RAB30: variants seen among roughly 807,000 people sequenced by gnomAD.
RAB30 encodes the protein ras-related protein Rab-30.
Under a neutral mutation model 25.1 loss-of-function variants are expected in RAB30, and 9 were observed. That is an observed-to-expected ratio of 0.36 (90% CI 0.22 to 0.63). The LOEUF is 0.63. RAB30 is among the 20% of genes least tolerant of loss of function. The probability of loss-of-function intolerance (pLI) is 0.69; values close to 1 mark genes in which losing one functional copy is unlikely to be tolerated. For missense variants in RAB30, 140 were observed against 243.5 expected, an observed-to-expected ratio of 0.58 and a Z score of 2.83; for synonymous variants, 77 against 86.4, an observed-to-expected ratio of 0.89 and a Z score of 0.60.
intron 3 of RAB30, among the ~76,000 whole-genome samples, chr11:82,991,242 T>G (rs1856844261): frequency 6.6e-6 from 1 of 152,170 alleles, no homozygotes; most frequent in Non-Finnish European, 1.5e-5. Context: ...TGGTATCTCA[T>G]GCCTGTAATC....
At chr11:83,058,618 T>C (rs894534772) in intron 1 of RAB30, among the ~76,000 whole-genome samples, 3 of 152,268 alleles carry the variant, frequency 2.0e-5, no homozygotes, top group African/African-American at 7.2e-5. Context: ...AGATGTTGAT[T>C]TGTCCCATCA....
intron 1 of RAB30, among the ~76,000 whole-genome samples, chr11:83,026,754 G>A (rs1315818887): frequency 6.6e-6 from 1 of 152,104 alleles, no homozygotes; most frequent in Non-Finnish European, 1.5e-5. Flanking sequence ...CTGAACTACT[G>A]CATCTAATTT....
At position 83,047,068 on chromosome 11, in the gene RAB30, A is replaced by G. The variant is rs1446030548; in HGVS notation, c.-9+24623T>C. Among the ~76,000 whole-genome samples the G allele has an allele frequency of 2.0e-5, 3 of 152,340 alleles. No homozygotes were observed. The East Asian group carries it at 5.8e-4, about 29-fold the overall frequency. On this transcript the variant is annotated intron_variant, in intron 1 of 4. Transcript: ENST00000527633. ...AAGGCACAACAGGAACTCAACTACAATTTGCTAACTGCATAAATGAATTCT... is the reference window on the plus strand; with the variant it reads ...AAGGCACAACAGGAACTCAACTACAGTTTGCTAACTGCATAAATGAATTCT...
chr11:82,996,183 T>G (rs952198956), intron 2 of RAB30, among the ~76,000 whole-genome samples: 2 of 152,236 alleles, frequency 1.3e-5, no homozygotes, highest in Middle Eastern at 3.2e-3. Context: ...ATTTCCAAAG[T>G]GACTCTGGGC....
intron 1 of RAB30, among the ~76,000 whole-genome samples, chr11:83,002,217 C>G (rs1857102002): frequency 6.6e-6 from 1 of 151,152 alleles, no homozygotes; most frequent in Non-Finnish European, 1.5e-5. Context: ...CTACAGTGTT[C>G]TAGAATCTCC....
At chr11:83,037,816 GT>G (rs956978645) in intron 1 of RAB30, among the ~76,000 whole-genome samples, 1 of 152,202 alleles carries the variant, frequency 6.6e-6, no homozygotes, top group African/African-American at 2.4e-5. Flanking sequence ...AAGATAAAGT[GT>G]TTGGGGGTTA....
chr11:82,981,599 G>A lies in RAB30; in HGVS notation c.*566C>T, dbSNP rs1046838402. ...AACAATGATTGTTACTGTTGGTCAT[G>A]GGTAAAGGTTTCATTTCATTTTTAC... On this transcript the variant is annotated 3_prime_UTR_variant, in exon 5 of 5. Transcript: ENST00000527633. 6.5e-6 allele frequency: 1 copy of A among 153,176 alleles called. No homozygotes were observed. The allele number at this position is 153,176 out of a possible 1,614,324, so 9.5% of individuals were successfully genotyped here.
At position 82,980,187 on chromosome 11, in the gene RAB30, G is replaced by A. The variant is rs1033075606; in HGVS notation, c.*1978C>T. The A allele has an allele frequency of 2.6e-5, 4 of 152,188 alleles. No homozygotes were observed. The highest frequency in any genetic ancestry group is 9.7e-5 in the African/African-American group (4 of 41,450). The allele number at this position is 152,188 out of a possible 1,614,324, so 9.4% of individuals were successfully genotyped here. ...ATTTAGTTGCTGGCTTAGTGGAGAG[G>A]ATGGGGAGGGAAAGGCAACAATTAT... On this transcript the variant is annotated 3_prime_UTR_variant, in exon 5 of 5. Coordinates refer to ENST00000527633, the MANE Select transcript of RAB30 (RefSeq NM_001286060.2).
intron 1 of RAB30, among the ~76,000 whole-genome samples, chr11:83,002,652 T>C (rs1460943827): frequency 6.6e-6 from 1 of 151,880 alleles, no homozygotes; most frequent in Non-Finnish European, 1.5e-5. Flanking sequence ...AAAGTGGCCT[T>C]TACCAGGCGT....
chr11:83,012,066 CAA>C (rs1413272332), intron 1 of RAB30, among the ~76,000 whole-genome samples: 1 of 152,116 alleles, frequency 6.6e-6, no homozygotes, highest in Non-Finnish European at 1.5e-5. Flanking sequence ...GCTTTTCAAA[CAA>C]AAGAGTCCCT....
rs141648652 is a variant in RAB30 at position 83,021,734 on chromosome 11, G to A, written c.-8-24410C>T. 1.6e-3 allele frequency among the ~76,000 whole-genome samples: 249 copies of A among 152,350 alleles called. 1 individual carries two copies. Among genetic ancestry groups the A allele is most frequent in the African/African-American group, 4.9e-3 (203 of 41,594 alleles). On this transcript the variant is annotated intron_variant, in intron 1 of 4. Coordinates refer to ENST00000527633, the MANE Select transcript of RAB30 (RefSeq NM_001286060.2). Reference sequence around the variant, plus strand: ...GCAAAACTAGGGCAAAGGCGCCACCGGCCACAGGTTTCCAGCCAGAAAAGC... The same window carrying A: ...GCAAAACTAGGGCAAAGGCGCCACCAGCCACAGGTTTCCAGCCAGAAAAGC...
chr11:82,990,121 T>C (rs1856821541), intron 3 of RAB30, among the ~76,000 whole-genome samples: 1 of 152,246 alleles, frequency 6.6e-6, no homozygotes. Flanking sequence ...AGCCACGGGC[T>C]TTCTAACCAC....
intron 1 of RAB30, among the ~76,000 whole-genome samples, chr11:83,005,945 CA>C (rs1857175029): frequency 6.9e-6 from 1 of 145,572 alleles, no homozygotes; most frequent in East Asian, 1.9e-4. Flanking sequence ...ATAGCACTTA[CA>C]TTTTTTTTTT....
At chr11:83,036,993 A>G (rs557821219) in intron 1 of RAB30, among the ~76,000 whole-genome samples, 88 of 152,328 alleles carry the variant, frequency 5.8e-4, no homozygotes, top group African/African-American at 2.1e-3. Flanking sequence ...AAGAGTTTTA[A>G]TCAGGGAAAT....
At chr11:83,018,237 T>C (rs746288863) in intron 1 of RAB30, among the ~76,000 whole-genome samples, 1 of 149,128 alleles carries the variant, frequency 6.7e-6, no homozygotes, top group Non-Finnish European at 1.5e-5. Flanking sequence ...AGGCGGAGGT[T>C]GTAGTGAGCC....
At position 82,982,049 on chromosome 11, in the gene RAB30, G is replaced by A. The variant is rs1486023025; in HGVS notation, c.*116C>T. The A allele has an allele frequency of 2.1e-6, 3 of 1,403,672 alleles. No homozygotes were observed. Among genetic ancestry groups the A allele is most frequent in the Admixed American group, 1.9e-5 (1 of 52,036 alleles). The allele number at this position is 1,403,672 out of a possible 1,614,324, so 87.0% of individuals were successfully genotyped here. A position where few individuals can be genotyped will look rare whatever the true frequency, so the allele number is the denominator to read the frequency against. On this transcript the variant is annotated 3_prime_UTR_variant, in exon 5 of 5. Coordinates refer to ENST00000527633, the MANE Select transcript of RAB30 (RefSeq NM_001286060.2). The stretch of plus-strand genomic sequence containing the variant: ...CCTGCCATGCTTTGTAAGCTCAGGA[G>A]CCCACAGGAGTCAGAAGGTCAGAGA...
chr11:83,063,823 T>C (rs4944424), intron 1 of RAB30, among the ~76,000 whole-genome samples: 37,064 of 152,042 alleles, frequency 0.24, 4,794 homozygotes, highest in Admixed American at 0.29. Context: ...AAATTCATAA[T>C]AAAATGAGGT....
chr11:83,049,093 A>C (rs1590874850), intron 1 of RAB30, among the ~76,000 whole-genome samples: 1 of 152,220 alleles, frequency 6.6e-6, no homozygotes, highest in East Asian at 1.9e-4. Flanking sequence ...TAACTATAAA[A>C]GTCCTTGCAA....
intron 1 of RAB30, among the ~76,000 whole-genome samples, chr11:83,062,927 C>G (rs925396809): frequency 6.7e-6 from 1 of 149,998 alleles, no homozygotes; most frequent in African/African-American, 2.5e-5. Context: ...CGCTTGAACC[C>G]AGGAGTTGGA....
Sources: allele counts gnomAD v4.1 joint callset (sites outside exome capture counted in the v4.1 genomes callset), GRCh38; gene constraint gnomAD v4.1.1; transcripts MANE v1.5; gene names NCBI Gene and HGNC (gene_info 2026-07-23, HGNC 2026-07-21).